MACC1: variants seen among roughly 807,000 people sequenced by gnomAD.
MACC1 encodes MET transcriptional regulator MACC1, also known as metastasis-associated in colon cancer protein 1.
In MACC1, 79 loss-of-function variants were observed where a neutral mutation model predicts 70.7. The observed-to-expected ratio is 1.12, with a 90% CI of 0.93 to 1.35. The LOEUF (loss-of-function observed/expected upper bound fraction) is 1.35, where lower values mean the gene tolerates loss of function less well. Ranked by LOEUF, MACC1 falls within the 40% of genes most tolerant of loss-of-function variation. The pLI is 0.00. For synonymous variants in MACC1, 361 were observed against 347.2 expected (o/e 1.04, Z -0.44); for missense variants, 1,106 against 978.1 (o/e 1.13, Z -1.74).
intron 1 of MACC1, among the ~76,000 whole-genome samples, chr7:20,185,490 A>AT (rs1782572888): frequency 6.6e-6 from 1 of 151,636 alleles, no homozygotes; most frequent in African/African-American, 2.4e-5. Flanking sequence ...TTAAAAAAAA[A>AT]ATTTTTTTTC....
intron 1 of MACC1, among the ~76,000 whole-genome samples, chr7:20,197,639 C>G (rs567827809): frequency 1.0e-3 from 159 of 152,226 alleles, no homozygotes; most frequent in African/African-American, 3.7e-3. Flanking sequence ...GCTTATTTTG[C>G]AAACACCTCC....
At chr7:20,197,575 T>C (rs573628990) in intron 1 of MACC1, among the ~76,000 whole-genome samples, 9 of 152,340 alleles carry the variant, frequency 5.9e-5, no homozygotes, top group Admixed American at 5.9e-4. Flanking sequence ...AGCCTGAACA[T>C]GTTCTCGTAC....
intron 5 of MACC1, among the ~76,000 whole-genome samples, chr7:20,154,883 G>C (rs888587977): frequency 2.0e-4 from 30 of 151,670 alleles, no homozygotes; most frequent in African/African-American, 7.0e-4. Context: ...AAACATCCCA[G>C]AATCATGCCT....
rs1781790064 is a variant in MACC1, at chr7:20,140,902, C to A, written c.*44G>T. Reference sequence around the variant, plus strand: ...ACACACAGACACACACACACACACACCATTACCTCATTTTCCCTCCCATCA... The same window carrying A: ...ACACACAGACACACACACACACACAACATTACCTCATTTTCCCTCCCATCA... On this transcript the variant is annotated 3_prime_UTR_variant, in exon 7 of 7. Transcript: ENST00000400331. 6.8e-7 allele frequency: 1 copy of A among 1,461,944 alleles called. No individual in the cohort carries two copies. The highest frequency in any genetic ancestry group is 9.5e-7 in the Non-Finnish European group (1 of 1,056,714). The allele number at this position is 1,461,944 out of a possible 1,614,324, so 90.6% of individuals were successfully genotyped here.
intron 1 of MACC1, among the ~76,000 whole-genome samples, chr7:20,187,990 G>A (rs558215516): frequency 1.3e-4 from 20 of 152,196 alleles, no homozygotes; most frequent in Non-Finnish European, 2.4e-4. Flanking sequence ...GGGAGGCCTC[G>A]GGAAACTTAC....
intron 2 of MACC1, among the ~76,000 whole-genome samples, chr7:20,168,407 T>C (rs556940894): frequency 4.1e-4 from 63 of 152,316 alleles, no homozygotes; most frequent in African/African-American, 1.4e-3. Context: ...GTCCACACAT[T>C]TGGCTCTCCA....
At chr7:20,168,745 C>T (rs1385390941) in intron 2 of MACC1, among the ~76,000 whole-genome samples, 1 of 152,146 alleles carries the variant, frequency 6.6e-6, no homozygotes, top group Non-Finnish European at 1.5e-5. Context: ...TGTCAGGTTA[C>T]AATCCCAAAA....
chr7:20,176,112 A>G (rs1782389007), intron 1 of MACC1, among the ~76,000 whole-genome samples: 1 of 152,132 alleles, frequency 6.6e-6, no homozygotes, highest in Non-Finnish European at 1.5e-5. Context: ...CTGTAAAAAA[A>G]TTACTAAGTA....
intron 6 of MACC1, among the ~76,000 whole-genome samples, chr7:20,151,185 G>A (rs1781972019): frequency 6.6e-6 from 1 of 152,104 alleles, no homozygotes; most frequent in Non-Finnish European, 1.5e-5. Flanking sequence ...CATAGAAAAA[G>A]TATTGTCATT....
At chr7:20,187,445 T>G (rs3095216) in intron 1 of MACC1, among the ~76,000 whole-genome samples, 51,089 of 151,974 alleles carry the variant, frequency 0.34, 9,955 homozygotes, top group East Asian at 0.84. Context: ...AACCTATCAA[T>G]CTGACAAACT....
In MACC1 at chr7:20,159,530, T is replaced by G. The variant is rs759466898; in HGVS notation, c.831A>C (p.Leu277Phe). Residue 277 changes from leucine (L) to phenylalanine (F), a missense_variant, in exon 5 of 7, where the codon TTA becomes TTC. Coordinates refer to ENST00000400331, the MANE Select transcript of MACC1 (RefSeq NM_182762.4). ...CTVSPLLEIM[L>F]GNLNTMEALL... ...GGGCTTCCATTGTATTGAGGTTGCC[T>G]AACATGATTTCCAACAACGGGCTCA... 1 of 1,614,162 alleles carries G rather than the reference T, an allele frequency of 6.2e-7. No individual in the cohort carries two copies. Among genetic ancestry groups the G allele is most frequent in the African/African-American group, 1.3e-5 (1 of 75,058 alleles).
intron 1 of MACC1, among the ~76,000 whole-genome samples, chr7:20,214,881 C>A (rs138474363): frequency 1.6e-3 from 236 of 152,230 alleles, no homozygotes; most frequent in African/African-American, 5.1e-3. Context: ...ACGTGAGATA[C>A]TTTCATGACC....
At chr7:20,196,751 GA>G (rs1478158760) in intron 1 of MACC1, among the ~76,000 whole-genome samples, 1 of 151,966 alleles carries the variant, frequency 6.6e-6, no homozygotes, top group Non-Finnish European at 1.5e-5. Context: ...ATCATGCATG[GA>G]GAACCGGTTT....
intron 6 of MACC1, among the ~76,000 whole-genome samples, chr7:20,145,593 T>C (rs915431796): frequency 1.3e-5 from 2 of 152,176 alleles, no homozygotes; most frequent in Non-Finnish European, 2.9e-5. Context: ...GATTTGGATT[T>C]GAATCTTAGC....
At chr7:20,173,077 G>C (rs1307251869) in intron 1 of MACC1, among the ~76,000 whole-genome samples, 4 of 152,076 alleles carry the variant, frequency 2.6e-5, no homozygotes, top group Non-Finnish European at 5.9e-5. Context: ...ATCAATTTCA[G>C]AGCTATTTTT....
At chr7:20,146,594 G>A (rs1251401736) in intron 6 of MACC1, among the ~76,000 whole-genome samples, 1 of 152,190 alleles carries the variant, frequency 6.6e-6, no homozygotes, top group African/African-American at 2.4e-5. Flanking sequence ...TCCTCCGAAG[G>A]CTAGAAAGGA....
rs1052205658 is a variant in MACC1, at chr7:20,136,679, C to T, written c.*4267G>A. 2.0e-5 allele frequency: 3 copies of T among 151,958 alleles called. No individual in the cohort carries two copies. Among genetic ancestry groups the T allele is most frequent in the African/African-American group, 7.2e-5 (3 of 41,408 alleles). The allele number at this position is 151,958 out of a possible 1,614,324, so 9.4% of individuals were successfully genotyped here. ...GAAAAAATGTCTTTGGATTATCCCA[C>T]CAATCATATTGATGTTCTTTAGAAC... is the stretch of plus-strand genomic sequence containing the variant. On this transcript the variant is annotated 3_prime_UTR_variant, in exon 7 of 7. Transcript: ENST00000400331.
At chr7:20,201,643 G>A (rs1249422866) in intron 1 of MACC1, among the ~76,000 whole-genome samples, 1 of 152,194 alleles carries the variant, frequency 6.6e-6, no homozygotes, top group African/African-American at 2.4e-5. Flanking sequence ...AAGGTGGAAA[G>A]CAAAAGTTGA....
At chr7:20,212,648 C>T (rs1307897755) in intron 1 of MACC1, among the ~76,000 whole-genome samples, 1 of 152,074 alleles carries the variant, frequency 6.6e-6, no homozygotes, top group African/African-American at 2.4e-5. Context: ...TCCAATCCCA[C>T]ATGATTAACA....
Sources: gnomAD v4.1 joint callset for allele counts (sites outside exome capture counted in the v4.1 genomes callset) on GRCh38, gnomAD v4.1.1 for gene constraint, MANE v1.5 for transcripts, NCBI Gene and HGNC (gene_info 2026-07-23, HGNC 2026-07-21) for gene names.